Variants in ZNF420 observed in about 807,000 individuals in gnomAD.
The protein encoded by ZNF420 is zinc finger protein 420.
Under a neutral mutation model 44.7 loss-of-function variants are expected in ZNF420, and 31 were observed. The observed-to-expected ratio is 0.69, with a 90% CI of 0.52 to 0.94. The LOEUF (loss-of-function observed/expected upper bound fraction) is 0.94. ZNF420 is among the 40% of genes least tolerant of loss of function. ZNF420 has a pLI of 0.00. For missense variants in ZNF420, 681 were observed against 827.9 expected (o/e 0.82, Z 2.18); for synonymous variants, 245 against 267.4 (o/e 0.92, Z 0.82).
At chr19:37,110,595 A>G (rs1970335424) in intron 4 of ZNF420, among the ~76,000 whole-genome samples, 2 of 152,198 alleles carry the variant, frequency 1.3e-5, no homozygotes, top group African/African-American at 4.8e-5. Flanking sequence ...CTGATCATCC[A>G]TGCTATATTT....
chr19:37,020,811 C>G (rs1411117120), intron 1 of ZNF420, among the ~76,000 whole-genome samples: 2 of 151,976 alleles, frequency 1.3e-5, no homozygotes, highest in Non-Finnish European at 2.9e-5. Context: ...TGTATTATTC[C>G]ACTTATATGA....
At chr19:37,058,647 G>C (rs528415849) in intron 1 of ZNF420, among the ~76,000 whole-genome samples, 1 of 152,240 alleles carries the variant, frequency 6.6e-6, no homozygotes, top group African/African-American at 2.4e-5. Context: ...CTGGTTCTCA[G>C]AGGCGCTATG....
chr19:37,037,269 G>A (rs1424320636), intron 1 of ZNF420, among the ~76,000 whole-genome samples: 2 of 152,218 alleles, frequency 1.3e-5, no homozygotes, highest in African/African-American at 2.4e-5. Context: ...GGTGGGCCGG[G>A]GTACAGTCAG....
At chr19:37,027,301 T>C (rs1048887646) in intron 1 of ZNF420, among the ~76,000 whole-genome samples, 4 of 152,186 alleles carry the variant, frequency 2.6e-5, no homozygotes, top group African/African-American at 7.2e-5. Flanking sequence ...GTTGTAGGTG[T>C]ACAGAAAAAC....
At chr19:37,122,806 G>A (rs112341536) in intron 4 of ZNF420, among the ~76,000 whole-genome samples, 13 of 152,060 alleles carry the variant, frequency 8.5e-5, no homozygotes, top group Non-Finnish European at 1.6e-4. Context: ...ATAAAGGTAC[G>A]CCCTGGGTGA....
chr19:37,086,748 A>G (rs566044271), intron 2 of ZNF420, among the ~76,000 whole-genome samples: 1 of 152,040 alleles, frequency 6.6e-6, no homozygotes, highest in African/African-American at 2.4e-5. Context: ...CTTGAAGTCT[A>G]TTTTGTCTTA....
At chr19:37,123,379 G>A (rs1971160185) in intron 4 of ZNF420, among the ~76,000 whole-genome samples, 1 of 152,066 alleles carries the variant, frequency 6.6e-6, no homozygotes, top group Admixed American at 6.6e-5. Context: ...CCTTGAATAG[G>A]TTCCAATTTT....
intron 1 of ZNF420, among the ~76,000 whole-genome samples, chr19:37,036,819 G>A (rs1231332583): frequency 2.6e-5 from 4 of 152,124 alleles, no homozygotes; most frequent in Admixed American, 6.5e-5. Context: ...GCATTATGTC[G>A]AAATAATTAT....
chr19:37,035,083 A>C (rs1305846660), intron 1 of ZNF420, among the ~76,000 whole-genome samples: 1 of 152,248 alleles, frequency 6.6e-6, no homozygotes, highest in African/African-American at 2.4e-5. Context: ...GTTCCTACAT[A>C]GACAAAATGA....
intron 1 of ZNF420, among the ~76,000 whole-genome samples, chr19:37,049,108 G>T (rs1385969257): frequency 6.6e-6 from 1 of 152,038 alleles, no homozygotes; most frequent in Non-Finnish European, 1.5e-5. Context: ...TCTTAATCCA[G>T]TCTATCATTG....
intron 4 of ZNF420, among the ~76,000 whole-genome samples, chr19:37,099,443 T>G (rs552326466): frequency 6.6e-6 from 1 of 152,192 alleles, no homozygotes; most frequent in Non-Finnish European, 1.5e-5. Flanking sequence ...ATATTGAGCA[T>G]TTTTTCATTT....
At chr19:37,030,985 G>C (rs944799270) in intron 1 of ZNF420, among the ~76,000 whole-genome samples, 4 of 152,070 alleles carry the variant, frequency 2.6e-5, no homozygotes, top group African/African-American at 9.7e-5. Context: ...CTCCCAAGTA[G>C]CTGGGATTAT....
At chr19:37,047,420 G>C (rs892009642) in intron 1 of ZNF420, among the ~76,000 whole-genome samples, 7 of 152,194 alleles carry the variant, frequency 4.6e-5, no homozygotes, top group Non-Finnish European at 7.3e-5. Flanking sequence ...CTTAGATGCA[G>C]AGACCAGGCC....
Position 37,127,131 on chromosome 19 carries a change from TG to T in ZNF420, c.141del (p.Leu47PhefsTer26). ...ENYSNLVSLD[L>X]PSRCASKDLS... Reference sequence around the variant, plus strand: ...TTTATTCTCTCTTATCTTTCAGACTTGCCTTCAAGGTGTGCAAGTAAGGACT... The same window carrying T: ...TTTATTCTCTCTTATCTTTCAGACTTCCTTCAAGGTGTGCAAGTAAGGACT... On this transcript the variant is annotated frameshift_variant, in exon 5 of 5. Coordinates refer to ENST00000337995, the MANE Select transcript of ZNF420 (RefSeq NM_144689.5). LOFTEE classifies it low-confidence loss of function (END_TRUNC). The T allele has an allele frequency of 2.1e-6, 3 of 1,462,548 alleles. No homozygotes were observed. The highest frequency in any genetic ancestry group is 2.7e-6 in the Non-Finnish European group (3 of 1,105,218). The allele number at this position is 1,462,548 out of a possible 1,614,324, so 90.6% of individuals were successfully genotyped here.
intron 4 of ZNF420, among the ~76,000 whole-genome samples, chr19:37,105,324 T>C (rs1380147483): frequency 5.3e-5 from 8 of 152,332 alleles, no homozygotes; most frequent in Middle Eastern, 3.4e-3. Flanking sequence ...GGTGGTATTA[T>C]TTCTGAGGGC....
chr19:37,123,555 C>G (rs1911499569), intron 4 of ZNF420, among the ~76,000 whole-genome samples: 2 of 149,952 alleles, frequency 1.3e-5, no homozygotes, highest in Admixed American at 1.3e-4. Flanking sequence ...TGGCTCTCAG[C>G]TCTCACTTCA....
chr19:37,115,320 C>T (rs532476128), intron 4 of ZNF420, among the ~76,000 whole-genome samples: 185 of 152,118 alleles, frequency 1.2e-3, no homozygotes, highest in African/African-American at 4.0e-3. Flanking sequence ...AGGGGACCGG[C>T]GCTCACCATA....
intron 1 of ZNF420, among the ~76,000 whole-genome samples, chr19:37,028,434 T>G (rs1219424938): frequency 6.6e-6 from 1 of 152,226 alleles, no homozygotes; most frequent in Non-Finnish European, 1.5e-5. Context: ...ATGTATGTTT[T>G]GACTGAAAGG....
chr19:37,087,295 A>T (rs774993007), intron 2 of ZNF420, among the ~76,000 whole-genome samples: 1 of 65,344 alleles, frequency 1.5e-5, no homozygotes, highest in East Asian at 3.4e-4. Context: ...AAAAAAAAAT[A>T]AATAAATAAA....
Sources: gnomAD v4.1 joint callset for allele counts (sites outside exome capture counted in the v4.1 genomes callset) on GRCh38, gnomAD v4.1.1 for gene constraint, MANE v1.5 for transcripts, NCBI Gene and HGNC (gene_info 2026-07-23, HGNC 2026-07-21) for gene names.